Variants in CCDC88C observed in about 807,000 individuals in gnomAD.
The protein encoded by CCDC88C is protein Daple.
A neutral mutation model predicts 198.8 loss-of-function variants in CCDC88C; 131 were observed. The observed-to-expected ratio is 0.66, with a 90% CI of 0.57 to 0.76. CCDC88C has a LOEUF of 0.76. Ranked by LOEUF, CCDC88C falls within the 30% of genes least tolerant of loss-of-function variation. CCDC88C has a pLI of 0.00. For missense variants in CCDC88C, 2,553 were observed against 2,631.6 expected, an observed-to-expected ratio of 0.97 and a Z score of 0.65; for synonymous variants, 1,166 against 1,114.7, an observed-to-expected ratio of 1.05 and a Z score of -0.92.
chr14:91,283,553 C>T lies in CCDC88C; in HGVS notation c.4442-36G>A, dbSNP rs573909474. The T allele has an allele frequency of 3.8e-6, 6 of 1,575,330 alleles. No homozygotes were observed. The African/African-American group carries it at 6.7e-5, about 18-fold the overall frequency. On this transcript the variant is annotated intron_variant, in intron 25 of 29. Transcript: ENST00000389857. ...AGAGGACATTGAGAAATGAGGCTGC[C>T]AAGTCCTGTACCCAGGCTGGGAAAC...
chr14:91,395,016 C>T (rs1383750148), intron 3 of CCDC88C, among the ~76,000 whole-genome samples: 1 of 152,168 alleles, frequency 6.6e-6, no homozygotes, highest in East Asian at 1.9e-4. Flanking sequence ...TTTGTAGAAC[C>T]CCTCCTACAA....
chr14:91,322,954 G>A (rs1892421284), intron 12 of CCDC88C, among the ~76,000 whole-genome samples: 1 of 140,336 alleles, frequency 7.1e-6, no homozygotes, highest in South Asian at 2.2e-4. Context: ...CACCCAGGCT[G>A]GAGTGCAGTG....
chr14:91,283,382 G>GTTGAGCTACAGT lies in CCDC88C; in HGVS notation c.4576_4577insACTGTAGCTCAA (p.Thr1525_Thr1526insAsnCysSerSer). ...GGGGGTGGAGTTGGAAGGGGCTGTAGTGGTGGCTGAAGTTGAGCAAGTCCG... is the reference window on the plus strand; with the variant it reads ...GGGGGTGGAGTTGGAAGGGGCTGTAGTTGAGCTACAGTTGGTGGCTGAAGTTGAGCAAGTCCG... On this transcript the variant is annotated inframe_insertion, in exon 26 of 30. Transcript: ENST00000389857. The GTTGAGCTACAGT allele has an allele frequency of 6.2e-7, 1 of 1,613,868 alleles. No homozygotes were observed. Among genetic ancestry groups the GTTGAGCTACAGT allele is most frequent in the South Asian group, 1.1e-5 (1 of 91,040 alleles).
At chr14:91,382,911 A>T (rs1284607141) in intron 3 of CCDC88C, among the ~76,000 whole-genome samples, 1 of 152,160 alleles carries the variant, frequency 6.6e-6, no homozygotes, top group Admixed American at 6.5e-5. Flanking sequence ...AAATCTGAAA[A>T]GCCCTGGGCT....
At chr14:91,407,231 G>A (rs61988439) in intron 3 of CCDC88C, among the ~76,000 whole-genome samples, 26,820 of 152,166 alleles carry the variant, frequency 0.18, 3,010 homozygotes, top group Non-Finnish European at 0.26. Context: ...CCAGCACAAA[G>A]CCCAATGCCA....
chr14:91,360,310 T>C lies in CCDC88C; in HGVS notation c.271-599A>G, dbSNP rs192251106. On this transcript the variant is annotated intron_variant, in intron 3 of 29. Transcript: ENST00000389857. ...CACACACTCTTAAATTAGCCAGGTATAGTGGTATGTGCCTGGGATCCCTGC... is the reference window on the plus strand; with the variant it reads ...CACACACTCTTAAATTAGCCAGGTACAGTGGTATGTGCCTGGGATCCCTGC... 9.5e-4 allele frequency among the ~76,000 whole-genome samples: 142 copies of C among 149,880 alleles called. 1 individual carries two copies. The South Asian group carries it at 0.016, about 17-fold the overall frequency.
At position 91,318,917 on chromosome 14, in the gene CCDC88C, C is replaced by CAAAAAAAAA. The variant is rs61183857; in HGVS notation, c.1527+2194_1527+2202dup. Among the ~76,000 whole-genome samples the CAAAAAAAAA allele has an allele frequency of 3.8e-5, 4 of 105,286 alleles. 1 individual carries two copies. The highest frequency in any genetic ancestry group is 1.1e-4 in the Admixed American group (1 of 9,444). 69.1% of individuals were successfully genotyped at this position (105,286 alleles called of 152,430 possible). The stretch of plus-strand genomic sequence containing the variant: ...CTGGACAACAGAGCGAGACTCCGTC[C>CAAAAAAAAA]AAAAAAAAAAAAAAAAAAAAAGAAC... On this transcript the variant is annotated intron_variant, in intron 13 of 29. Transcript: ENST00000389857.
chr14:91,409,584 T>G (rs1398650429), intron 2 of CCDC88C, among the ~76,000 whole-genome samples: 2 of 151,298 alleles, frequency 1.3e-5, no homozygotes, highest in Non-Finnish European at 2.9e-5. Flanking sequence ...ACCTCCTGGG[T>G]TCCAGCGATT....
chr14:91,368,654 G>A (rs1383109472), intron 3 of CCDC88C, among the ~76,000 whole-genome samples: 1 of 152,206 alleles, frequency 6.6e-6, no homozygotes, highest in Non-Finnish European at 1.5e-5. Context: ...TCCAGAAACG[G>A]CACGGTGCTG....
At chr14:91,359,740 A>G (rs1178284018) in intron 3 of CCDC88C, 29 bp from the exon 4 acceptor site, 2 of 1,586,112 alleles carry the variant, frequency 1.3e-6, no homozygotes, top group African/African-American at 1.3e-5. Flanking sequence ...AAAAGATACC[A>G]TTAAGAACCG....
intron 27 of CCDC88C, among the ~76,000 whole-genome samples, chr14:91,280,379 T>C (rs111286914): frequency 0.018 from 2,693 of 152,198 alleles, 41 homozygotes; most frequent in Middle Eastern, 0.024. Context: ...TGCTAGCAAA[T>C]ATGTTTGAAA....
rs61102058 is a variant in CCDC88C, at chr14:91,320,024, CAAAAAAAAAAAA to C, written c.1527+1084_1527+1095del. ...GGGCAACAAGAACAAAACTCAGTCT[CAAAAAAAAAAAA>C]AAAAAAAAAAAAAAAAGAAATGTGT... On this transcript the variant is annotated intron_variant, in intron 13 of 29. Transcript: ENST00000389857. 6.6e-4 allele frequency among the ~76,000 whole-genome samples: 16 copies of C among 24,176 alleles called. 1 individual carries two copies. The highest frequency in any genetic ancestry group is 1.6e-3 in the Non-Finnish European group (15 of 9,246). 15.9% of individuals were successfully genotyped at this position (24,176 alleles called of 152,430 possible). A position where few individuals can be genotyped will look rare whatever the true frequency, so the allele number is the denominator to read the frequency against.
In CCDC88C at chr14:91,313,561, T is replaced by C. The variant is rs199967225; in HGVS notation, c.2255A>G (p.Lys752Arg). Residue 752 changes from lysine to arginine, a missense_variant, in exon 15 of 30, where the codon AAG becomes AGG. By Grantham distance (26) the Lys-to-Arg change is conservative. Transcript: ENST00000389857. This position sits in a 1 kb window ranked among gnomAD's most constrained non-coding sequence, Gnocchi z 5.2. ...KNVDLLKALG[K>R]KSERLELSYQ... Reference sequence around the variant, plus strand: ...GCTGAGCTCCAGGCGCTCTGACTTCTTGCCCAGCGCCTTGAGCAGATCCAC... The same window carrying C: ...GCTGAGCTCCAGGCGCTCTGACTTCCTGCCCAGCGCCTTGAGCAGATCCAC... 6.9e-4 allele frequency: 1,115 copies of C among 1,611,380 alleles called. No individual in the cohort carries two copies. Among genetic ancestry groups the C allele is most frequent in the Non-Finnish European group, 9.0e-4 (1,056 of 1,179,886 alleles).
chr14:91,329,201 G>T (rs1198576563), intron 10 of CCDC88C, among the ~76,000 whole-genome samples: 1 of 152,206 alleles, frequency 6.6e-6, no homozygotes, highest in Non-Finnish European at 1.5e-5. Context: ...GAGAAGCATG[G>T]GGGACTTAAA....
At position 91,303,768 on chromosome 14, in the gene CCDC88C, G is replaced by A. The variant is rs768235211; in HGVS notation, c.3568C>T (p.Arg1190Cys). The A allele has an allele frequency of 1.2e-5, 19 of 1,613,276 alleles. No individual in the cohort carries two copies. The South Asian group carries it at 1.9e-4, about 16-fold the overall frequency. The change falls in exon 20 of 30, where the codon CGC becomes TGC. Residue 1190 changes from arginine to cysteine, a missense_variant. Transcript: ENST00000389857. ...RQSAEYEALIRQHSCLKTLHR... is the reference protein window; with the variant it reads ...RQSAEYEALICQHSCLKTLHR... ...AGTGTCTTTAGGCAGCTGTGCTGGC[G>A]GATGAGGGCCTCGTACTCGGCCGAT...
Position 91,278,006 on chromosome 14 carries a change from C to T in CCDC88C, c.4974G>A (p.Val1658=). Residue 1658 remains valine (V), a synonymous_variant, in exon 29 of 30, where the codon GTG becomes GTA. Coordinates refer to ENST00000389857, the MANE Select transcript of CCDC88C (RefSeq NM_001080414.4). The part of the protein sequence containing the change: ...KRGTAPPYVG[V]RPCSASPSSE... ...TGCTGGGGGAGGCCGAGCAGGGCCG[C>T]ACTCCGACGTAGGGAGGGGCTGTGC... is the stretch of plus-strand genomic sequence containing the variant. The T allele has an allele frequency of 6.3e-7, 1 of 1,585,210 alleles. No homozygotes were observed. Among genetic ancestry groups the T allele is most frequent in the South Asian group, 1.1e-5 (1 of 87,460 alleles).
chr14:91,295,252 G>A (rs995601715), intron 22 of CCDC88C, among the ~76,000 whole-genome samples: 8 of 152,208 alleles, frequency 5.3e-5, no homozygotes, highest in African/African-American at 1.9e-4. Flanking sequence ...CATACAGTGA[G>A]AAGAACTGGA....
At chr14:91,320,024 CAAAAAAA>C (rs61102058) in intron 13 of CCDC88C, among the ~76,000 whole-genome samples, 98 of 24,166 alleles carry the variant, frequency 4.1e-3, no homozygotes, top group Non-Finnish European at 8.8e-3. Context: ...AACTCAGTCT[CAAAAAAA>C]AAAAAAAAAA....
intron 3 of CCDC88C, among the ~76,000 whole-genome samples, chr14:91,372,164 G>A (rs191014901): frequency 1.6e-3 from 247 of 152,222 alleles, no homozygotes; most frequent in African/African-American, 5.3e-3. Context: ...CACACTTCCC[G>A]GGCACCTGCT....
Sources: allele counts gnomAD v4.1 joint callset (sites outside exome capture counted in the v4.1 genomes callset), GRCh38; gene constraint gnomAD v4.1.1; non-coding constraint Gnocchi (gnomAD v3.1); transcripts MANE v1.5; gene names NCBI Gene and HGNC (gene_info 2026-07-23, HGNC 2026-07-21).